Variants in ADGRV1 observed in about 807,000 individuals in gnomAD.
The protein encoded by ADGRV1 is G-protein coupled receptor 98.
Under a neutral mutation model 596.2 loss-of-function variants are expected in ADGRV1, and 359 were observed. The ratio of observed to expected loss-of-function variants is 0.60; its 90% CI spans 0.55 to 0.66. The LOEUF (loss-of-function observed/expected upper bound fraction) is 0.66, where lower values mean the gene tolerates loss of function less well. Among genes scored for constraint, ADGRV1 ranks in the 30% least tolerant of loss-of-function variants. ADGRV1 has a pLI of 0.00. For missense variants in ADGRV1, 7,274 were observed against 7,575.6 expected (o/e 0.96, Z 1.48); for synonymous variants, 2,681 against 2,679.2 (o/e 1.00, Z -0.02).
intron 32 of ADGRV1, 51 bp downstream of exon 32, chr5:90,692,837 G>T: frequency 7.2e-7 from 1 of 1,389,862 alleles, no homozygotes; most frequent in South Asian, 1.4e-5. Context: ...ATTGTGGGGT[G>T]GTGGGGAAGG....
At position 90,676,071 on chromosome 5, in the gene ADGRV1, A is replaced by G. The variant is rs767848069; in HGVS notation, c.5314-9A>G. Reference sequence around the variant, plus strand: ...TTGTAATCTAATGGATCAGTCTTTTATATTTCAGAATGTTGCTGGCACATT... The same window carrying G: ...TTGTAATCTAATGGATCAGTCTTTTGTATTTCAGAATGTTGCTGGCACATT... On this transcript the variant is annotated splice_polypyrimidine_tract_variant and intron_variant, in intron 24 of 89. Coordinates refer to ENST00000405460, the MANE Select transcript of ADGRV1 (RefSeq NM_032119.4). 6.3e-7 allele frequency: 1 copy of G among 1,588,520 alleles called. No individual in the cohort carries two copies. Among genetic ancestry groups the G allele is most frequent in the East Asian group, 2.3e-5 (1 of 44,334 alleles).
intron 84 of ADGRV1, among the ~76,000 whole-genome samples, chr5:90,973,062 T>A (rs1246138740): frequency 6.6e-6 from 1 of 152,138 alleles, no homozygotes; most frequent in Non-Finnish European, 1.5e-5. Context: ...CATCAGAGAA[T>A]ACTATAAACA....
intron 70 of ADGRV1, among the ~76,000 whole-genome samples, chr5:90,799,035 G>C (rs556271428): frequency 6.6e-5 from 10 of 152,220 alleles, no homozygotes; most frequent in African/African-American, 2.2e-4. Context: ...GATGCCCTCT[G>C]TCGCCACCCC....
chr5:91,090,179 T>TA (rs1207601326), intron 86 of ADGRV1, among the ~76,000 whole-genome samples: 1 of 152,174 alleles, frequency 6.6e-6, no homozygotes, highest in Admixed American at 6.6e-5. Flanking sequence ...ACAGAGCACT[T>TA]AACCTTTTCC....
At chr5:91,125,852 A>G (rs552130305) in intron 87 of ADGRV1, among the ~76,000 whole-genome samples, 9 of 152,322 alleles carry the variant, frequency 5.9e-5, no homozygotes, top group South Asian at 2.1e-4. Flanking sequence ...TTATGTTCAT[A>G]TTTGATACAG....
chr5:91,083,200 T>C (rs1469007656), intron 86 of ADGRV1, among the ~76,000 whole-genome samples: 1 of 148,506 alleles, frequency 6.7e-6, no homozygotes, highest in Non-Finnish European at 1.5e-5. Context: ...ATGAGAACAC[T>C]TGGACACAGG....
rs1323331130 is a variant in ADGRV1, at chr5:90,694,291, T to C, written c.7535T>C (p.Ile2512Thr). ...GAGCCTGTGACAAGGCAATGGGCCATAATGCAGGAAGGTGATGAATTCGCA... is the reference window on the plus strand; with the variant it reads ...GAGCCTGTGACAAGGCAATGGGCCACAATGCAGGAAGGTGATGAATTCGCA... ...DYEPVTRQWA[I>T]MQEGDEFANL... Residue 2512 changes from isoleucine to threonine, a missense_variant, in exon 33 of 90, where the codon ATA (isoleucine) becomes ACA (threonine). Coordinates refer to ENST00000405460, the MANE Select transcript of ADGRV1 (RefSeq NM_032119.4). 1.9e-6 allele frequency: 3 copies of C among 1,613,998 alleles called. No individual in the cohort carries two copies. Among genetic ancestry groups the C allele is most frequent in the South Asian group, 2.2e-5 (2 of 91,092 alleles).
rs577581321 is a variant in ADGRV1 at position 90,604,627 on chromosome 5, C to T, written c.23-10208C>T. Among the ~76,000 whole-genome samples, 6 of 152,000 alleles carry T rather than the reference C, an allele frequency of 3.9e-5. No individual in the cohort carries two copies. In the South Asian group the frequency reaches 1.0e-3, roughly 26 times the overall value. On this transcript the variant is annotated intron_variant, in intron 1 of 89. Coordinates refer to ENST00000405460, the MANE Select transcript of ADGRV1 (RefSeq NM_032119.4). The stretch of plus-strand genomic sequence containing the variant: ...AAATCTATCCTTAGATCCTTAAGAC[C>T]GCTTCATAATATGTGAAATTGTTGC...
intron 64 of ADGRV1, 192 bp downstream of exon 64, chr5:90,779,289 A>C (rs1229391639): frequency 2.4e-6 from 1 of 408,926 alleles, no homozygotes; most frequent in Non-Finnish European, 4.4e-6. Flanking sequence ...TAATTTTGTT[A>C]AATATAACTT....
rs149818664 is a variant in ADGRV1, at chr5:90,591,040, A to G, written c.23-23795A>G. Among the ~76,000 whole-genome samples, 591 of 152,292 alleles carry G rather than the reference A, an allele frequency of 3.9e-3. 1 individual carries two copies. The highest frequency in any genetic ancestry group is 0.014 in the African/African-American group (569 of 41,550). On this transcript the variant is annotated intron_variant, in intron 1 of 89. Coordinates refer to ENST00000405460, the MANE Select transcript of ADGRV1 (RefSeq NM_032119.4). ...TTGATTCAGGCTTGTAATGCATAAT[A>G]ATCACATCAGGGTAAATGGGGTATC... is the stretch of plus-strand genomic sequence containing the variant.
chr5:90,800,951 A>G (rs1761302238), intron 70 of ADGRV1, among the ~76,000 whole-genome samples: 1 of 152,112 alleles, frequency 6.6e-6, no homozygotes, highest in African/African-American at 2.4e-5. Context: ...GGGTAGCATT[A>G]GGAGAAATAC....
intron 38 of ADGRV1, among the ~76,000 whole-genome samples, chr5:90,707,516 C>T (rs1239341169): frequency 6.6e-6 from 1 of 152,044 alleles, no homozygotes; most frequent in Admixed American, 6.5e-5. Context: ...TTGTTGATTA[C>T]TGTGGCACTG....
rs559392608 is a variant in ADGRV1, at chr5:90,617,031, A to G, written c.208-773A>G. On this transcript the variant is annotated intron_variant, in intron 2 of 89. Coordinates refer to ENST00000405460, the MANE Select transcript of ADGRV1 (RefSeq NM_032119.4). ...CACCTGGCTTATTTCACTTAACATA[A>G]TGACTTCCTGTTACATCCATGTTTC... Among the ~76,000 whole-genome samples the G allele has an allele frequency of 3.3e-4, 50 of 152,256 alleles. 1 individual carries two copies. The highest frequency in any genetic ancestry group is 2.7e-3 in the Admixed American group (41 of 15,288).
At chr5:90,811,772 T>C (rs969196011) in intron 74 of ADGRV1, among the ~76,000 whole-genome samples, 2 of 152,078 alleles carry the variant, frequency 1.3e-5, no homozygotes. Flanking sequence ...ACTGTTGCCT[T>C]TTGTTTTGCT....
intron 87 of ADGRV1, among the ~76,000 whole-genome samples, chr5:91,122,940 TC>T (rs758685234): frequency 1.3e-5 from 2 of 152,236 alleles, no homozygotes; most frequent in Non-Finnish European, 2.9e-5. Flanking sequence ...CTCCTAGACT[TC>T]CTGCCTGTTT....
intron 84 of ADGRV1, among the ~76,000 whole-genome samples, chr5:90,978,235 C>CA (rs1779784874): frequency 6.6e-6 from 1 of 151,978 alleles, no homozygotes; most frequent in Non-Finnish European, 1.5e-5. Context: ...GCGGAGCTTG[C>CA]AGTGAGCCGA....
intron 51 of ADGRV1, 91 bp downstream of exon 51, chr5:90,745,356 A>T: frequency 1.2e-6 from 1 of 845,186 alleles, no homozygotes; most frequent in Non-Finnish European, 1.8e-6. Context: ...TGACTGAAAA[A>T]TATACAAAAT....
intron 87 of ADGRV1, among the ~76,000 whole-genome samples, chr5:91,125,553 A>G (rs1328465500): frequency 6.6e-6 from 1 of 152,234 alleles, no homozygotes; most frequent in Non-Finnish European, 1.5e-5. Context: ...GGAATCAGAC[A>G]GGCCTAAGTT....
chr5:90,778,929 T>G lies in ADGRV1; in HGVS notation c.12914T>G (p.Met4305Arg). The change falls in exon 64 of 90, where the codon ATG (methionine) becomes AGG (arginine). Residue 4305 changes from methionine (M) to arginine (R), a missense_variant. Coordinates refer to ENST00000405460, the MANE Select transcript of ADGRV1 (RefSeq NM_032119.4). ...CATGTGCGACTCTGGTACAAGACGA[T>G]GAGCGGGACAGCGGAAGCAGGCTTG... The part of the protein sequence containing the change: ...FGHVRLWYKT[M>R]SGTAEAGLDF... 6.2e-7 allele frequency: 1 copy of G among 1,613,472 alleles called. No homozygotes were observed. The highest frequency in any genetic ancestry group is 1.1e-5 in the South Asian group (1 of 91,062).
Sources: allele counts gnomAD v4.1 joint callset (sites outside exome capture counted in the v4.1 genomes callset), GRCh38; gene constraint gnomAD v4.1.1; transcripts MANE v1.5; gene names NCBI Gene and HGNC (gene_info 2026-07-23, HGNC 2026-07-21).